SLC39A11: variants seen among roughly 807,000 people sequenced by gnomAD.
SLC39A11 encodes the protein zinc transporter ZIP11.
Under a neutral mutation model 36.1 loss-of-function variants are expected in SLC39A11, and 33 were observed. The observed-to-expected ratio is 0.91, with a 90% CI of 0.69 to 1.22. The LOEUF is 1.22. Among genes scored for constraint, SLC39A11 ranks in the 50% most tolerant of loss-of-function variants. The pLI, the probability that SLC39A11 is intolerant of heterozygous loss-of-function variation, is 0.00. For synonymous variants in SLC39A11, 166 were observed against 170.3 expected (o/e 0.97, Z 0.20); for missense variants, 432 against 430.3 (o/e 1.00, Z -0.03).
chr17:72,892,600 G>A (rs2081813691), intron 5 of SLC39A11, among the ~76,000 whole-genome samples: 1 of 152,026 alleles, frequency 6.6e-6, no homozygotes, highest in Non-Finnish European at 1.5e-5. Flanking sequence ...ACTGATTTGG[G>A]GTTATTTTTT....
intron 4 of SLC39A11, among the ~76,000 whole-genome samples, chr17:72,954,279 C>G (rs1009699138): frequency 4.6e-5 from 7 of 152,348 alleles, no homozygotes; most frequent in African/African-American, 1.7e-4. Context: ...CTCCTGACCT[C>G]AAGTGATCCG....
intron 6 of SLC39A11, among the ~76,000 whole-genome samples, chr17:72,840,619 C>T (rs779702197): frequency 2.6e-5 from 4 of 152,086 alleles, no homozygotes; most frequent in African/African-American, 7.2e-5. Flanking sequence ...ATTAGATGGG[C>T]GTGGTGGTGG....
intron 3 of SLC39A11, among the ~76,000 whole-genome samples, chr17:73,039,454 A>G (rs1206351031): frequency 6.6e-6 from 1 of 152,210 alleles, no homozygotes; most frequent in Non-Finnish European, 1.5e-5. Flanking sequence ...CAGAGCGACT[A>G]TTCAACATTT....
At chr17:72,876,314 C>T (rs2080894171) in intron 5 of SLC39A11, among the ~76,000 whole-genome samples, 1 of 152,116 alleles carries the variant, frequency 6.6e-6, no homozygotes, top group East Asian at 1.9e-4. Flanking sequence ...GCTTCATATC[C>T]CCTGGCCCCA....
At chr17:72,909,799 G>A (rs1463787435) in intron 5 of SLC39A11, among the ~76,000 whole-genome samples, 2 of 150,324 alleles carry the variant, frequency 1.3e-5, no homozygotes, top group Non-Finnish European at 3.0e-5. Context: ...AGGCTGGAGT[G>A]CAGTGGCGTG....
At chr17:72,807,847 T>A (rs2077312193) in intron 6 of SLC39A11, among the ~76,000 whole-genome samples, 1 of 151,922 alleles carries the variant, frequency 6.6e-6, no homozygotes, top group Non-Finnish European at 1.5e-5. Flanking sequence ...GACGAGGGGG[T>A]CGTGGGAACC....
At chr17:72,976,622 A>G (rs976354744) in intron 4 of SLC39A11, among the ~76,000 whole-genome samples, 8 of 152,198 alleles carry the variant, frequency 5.3e-5, no homozygotes, top group African/African-American at 1.9e-4. Context: ...AGGCCAAGGC[A>G]GGCGGATCAC....
At chr17:72,990,134 A>G (rs897064629) in intron 4 of SLC39A11, among the ~76,000 whole-genome samples, 2 of 152,228 alleles carry the variant, frequency 1.3e-5, no homozygotes, top group African/African-American at 4.8e-5. Context: ...AAAATTGGTG[A>G]CATGCACTAC....
intron 4 of SLC39A11, among the ~76,000 whole-genome samples, chr17:72,976,380 G>A (rs2148113683): frequency 6.6e-6 from 1 of 152,120 alleles, no homozygotes; most frequent in South Asian, 2.1e-4. Context: ...ATAAAGACAT[G>A]GCAAACAACA....
At chr17:72,693,940 G>C (rs1392197157) in intron 7 of SLC39A11, among the ~76,000 whole-genome samples, 1 of 152,164 alleles carries the variant, frequency 6.6e-6, no homozygotes, top group East Asian at 1.9e-4. Context: ...GGGACCACAG[G>C]GGTGAGCCAC....
intron 6 of SLC39A11, among the ~76,000 whole-genome samples, chr17:72,787,431 G>T (rs963663810): frequency 6.6e-6 from 1 of 151,582 alleles, no homozygotes; most frequent in African/African-American, 2.4e-5. Context: ...CTAATTTTTC[G>T]TATTTTTAGT....
intron 7 of SLC39A11, among the ~76,000 whole-genome samples, chr17:72,724,024 T>C (rs2073819607): frequency 1.3e-5 from 2 of 152,066 alleles, no homozygotes; most frequent in Non-Finnish European, 1.5e-5. Flanking sequence ...CAAAGAAAAA[T>C]CTTAGACGTG....
chr17:72,829,737 T>C (rs1354792856), intron 6 of SLC39A11, among the ~76,000 whole-genome samples: 3 of 152,072 alleles, frequency 2.0e-5, no homozygotes, highest in Non-Finnish European at 4.4e-5. Flanking sequence ...GGTGTCCCCA[T>C]CCTCATGGGC....
chr17:73,026,783 T>C lies in SLC39A11; in HGVS notation c.306+4773A>G, dbSNP rs1428127877. ...ACACACACTACCCTCCTCCCCACCC[T>C]ACCCATCAACCCACCAGGAGAAAAA... is the stretch of plus-strand genomic sequence containing the variant. On this transcript the variant is annotated intron_variant, in intron 4 of 9. Coordinates refer to ENST00000255559, the MANE Select transcript of SLC39A11 (RefSeq NM_139177.4). 7.3e-5 allele frequency among the ~76,000 whole-genome samples: 11 copies of C among 151,674 alleles called. No individual in the cohort carries two copies. The Middle Eastern group carries it at 0.01, about 141-fold the overall frequency.
intron 5 of SLC39A11, among the ~76,000 whole-genome samples, chr17:72,929,481 G>A (rs1481933650): frequency 6.6e-6 from 1 of 152,168 alleles, no homozygotes; most frequent in Non-Finnish European, 1.5e-5. Context: ...TCATCATGGT[G>A]AGAGCCCAAA....
chr17:72,680,069 A>G, intron 7 of SLC39A11, among the ~76,000 whole-genome samples: 1 of 146,836 alleles, frequency 6.8e-6, no homozygotes, highest in Admixed American at 6.8e-5. Flanking sequence ...AAAAAAAAAA[A>G]AGAATTGTGG....
chr17:72,778,909 T>C (rs1010976473), intron 6 of SLC39A11, among the ~76,000 whole-genome samples: 1 of 152,234 alleles, frequency 6.6e-6, no homozygotes, highest in Non-Finnish European at 1.5e-5. Flanking sequence ...GGAGTTCTTT[T>C]ATGGATCCAG....
intron 4 of SLC39A11, among the ~76,000 whole-genome samples, chr17:73,009,102 G>A (rs1469829838): frequency 1.4e-5 from 2 of 147,738 alleles, no homozygotes; most frequent in Non-Finnish European, 3.0e-5. Flanking sequence ...GGTGGCTCAC[G>A]CCTGTAATTT....
intron 3 of SLC39A11, among the ~76,000 whole-genome samples, chr17:73,076,605 T>C (rs904673580): frequency 6.6e-6 from 1 of 152,152 alleles, no homozygotes; most frequent in Non-Finnish European, 1.5e-5. Flanking sequence ...TTTGTCTTTT[T>C]CAAGACATAT....
Sources: allele counts gnomAD v4.1 joint callset (sites outside exome capture counted in the v4.1 genomes callset), GRCh38; gene constraint gnomAD v4.1.1; transcripts MANE v1.5; gene names NCBI Gene and HGNC (gene_info 2026-07-23, HGNC 2026-07-21).